ST18: variants seen among roughly 807,000 people sequenced by gnomAD.
ST18 encodes the protein ST18 C2H2C-type zinc finger transcription factor.
A neutral mutation model predicts 110.0 loss-of-function variants in ST18; 50 were observed. The observed-to-expected ratio is 0.45, with a 90% CI of 0.36 to 0.58. The LOEUF is 0.58. ST18 is among the 20% of genes least tolerant of loss of function. The pLI, the probability that ST18 is intolerant of heterozygous loss-of-function variation, is 0.00. For synonymous variants in ST18, 461 were observed against 452.4 expected (o/e 1.02, Z -0.24); for missense variants, 1,306 against 1,280.1 (o/e 1.02, Z -0.31).
chr8:52,374,991 A>G (rs946255220), intron 2 of ST18, among the ~76,000 whole-genome samples: 3 of 152,172 alleles, frequency 2.0e-5, no homozygotes, highest in Non-Finnish European at 2.9e-5. Flanking sequence ...CAGAAGTCAC[A>G]GATATTTCCT....
chr8:52,374,945 C>T (rs770803822), intron 2 of ST18, among the ~76,000 whole-genome samples: 41 of 152,242 alleles, frequency 2.7e-4, no homozygotes, highest in Admixed American at 2.0e-4. Flanking sequence ...CCACAAGAAA[C>T]TCACAGACTC....
intron 22 of ST18, among the ~76,000 whole-genome samples, chr8:52,130,507 C>A (rs1186284993): frequency 1.3e-5 from 2 of 152,208 alleles, no homozygotes; most frequent in African/African-American, 4.8e-5. Flanking sequence ...TGTTTCCAGT[C>A]TGGAGTTAGT....
intron 2 of ST18, chr8:52,405,830 C>T (rs1230758920): frequency 6.6e-6 from 1 of 151,082 alleles, no homozygotes; most frequent in African/African-American, 2.4e-5. Flanking sequence ...TGAAATATAA[C>T]AAATCCAAGG....
chr8:52,308,600 A>G (rs2095851492), intron 2 of ST18, among the ~76,000 whole-genome samples: 1 of 152,186 alleles, frequency 6.6e-6, no homozygotes, highest in South Asian at 2.1e-4. Flanking sequence ...TTTCCCAGAA[A>G]CCTCTCCTTG....
At chr8:52,394,397 A>G (rs1840384405) in intron 2 of ST18, among the ~76,000 whole-genome samples, 1 of 152,162 alleles carries the variant, frequency 6.6e-6, no homozygotes, top group Non-Finnish European at 1.5e-5. Flanking sequence ...GAACTGGGGT[A>G]GACTGTAAGC....
intron 2 of ST18, among the ~76,000 whole-genome samples, chr8:52,327,746 T>C (rs1372210247): frequency 1.3e-5 from 2 of 152,110 alleles, no homozygotes; most frequent in African/African-American, 4.8e-5. Flanking sequence ...CAGAATCCAA[T>C]CAAAGCTAAA....
chr8:52,259,015 C>A (rs573003186), intron 2 of ST18, among the ~76,000 whole-genome samples: 1 of 152,258 alleles, frequency 6.6e-6, no homozygotes, highest in African/African-American at 2.4e-5. Flanking sequence ...ATGGTGCTGG[C>A]CAGACCTCAT....
chr8:52,122,922 A>G (rs1006389943), intron 23 of ST18, among the ~76,000 whole-genome samples: 1 of 152,032 alleles, frequency 6.6e-6, no homozygotes, highest in African/African-American at 2.4e-5. Context: ...AATAAATTAT[A>G]TATAACTATA....
chr8:52,258,683 CT>C (rs1255434581), intron 2 of ST18, among the ~76,000 whole-genome samples: 1 of 152,106 alleles, frequency 6.6e-6, no homozygotes, highest in African/African-American at 2.4e-5. Flanking sequence ...AATGGAAATA[CT>C]TTTGCTACTT....
intron 2 of ST18, among the ~76,000 whole-genome samples, chr8:52,245,349 G>T (rs2093757842): frequency 6.6e-6 from 1 of 151,694 alleles, no homozygotes; most frequent in Non-Finnish European, 1.5e-5. Context: ...GTTTGCTTCT[G>T]CCTGTCATTA....
intron 2 of ST18, among the ~76,000 whole-genome samples, chr8:52,289,839 A>T (rs1336791505): frequency 2.0e-5 from 3 of 152,102 alleles, no homozygotes; most frequent in African/African-American, 7.2e-5. Context: ...GTAGATACTC[A>T]TATCTACAGG....
At chr8:52,183,414 G>A (rs189108006) in intron 8 of ST18, among the ~76,000 whole-genome samples, 1 of 152,244 alleles carries the variant, frequency 6.6e-6, no homozygotes, top group Non-Finnish European at 1.5e-5. Context: ...TCAAGATTTG[G>A]GTCCAAATAA....
At chr8:52,345,300 C>T (rs1276186684) in intron 2 of ST18, among the ~76,000 whole-genome samples, 4 of 152,162 alleles carry the variant, frequency 2.6e-5, no homozygotes, top group Non-Finnish European at 5.9e-5. Context: ...TCTTATCCTT[C>T]CTGATACCCC....
chr8:52,224,467 A>G (rs1030264015), intron 3 of ST18, among the ~76,000 whole-genome samples: 2 of 152,240 alleles, frequency 1.3e-5, no homozygotes, highest in African/African-American at 4.8e-5. Flanking sequence ...GCAAATGAAG[A>G]TAAGCACTGA....
rs77692409 is a variant in ST18, at chr8:52,124,107, C to T, written c.2755+1945G>A. On this transcript the variant is annotated intron_variant, in intron 23 of 25. Transcript: ENST00000689386. ...CCAGCAAGAAATGACTCTTCGCACA[C>T]GTCTTAGTGTCCTCAGGGTTGCTCC... Among the ~76,000 whole-genome samples, 51 of 149,546 alleles carry T rather than the reference C, an allele frequency of 3.4e-4. No individual in the cohort carries two copies. In the East Asian group the frequency reaches 8.7e-3, roughly 25 times the overall value.
At chr8:52,353,919 G>A (rs1238804918) in intron 2 of ST18, among the ~76,000 whole-genome samples, 1 of 152,220 alleles carries the variant, frequency 6.6e-6, no homozygotes, top group Non-Finnish European at 1.5e-5. Context: ...CCATGGTGTA[G>A]CTACAAAGTC....
intron 23 of ST18, among the ~76,000 whole-genome samples, chr8:52,122,343 C>T (rs2045263854): frequency 1.3e-5 from 2 of 151,890 alleles, no homozygotes; most frequent in Admixed American, 1.3e-4. Context: ...TATGTATATA[C>T]TTGTATAGAG....
At chr8:52,114,370 G>A (rs7015717) in intron 25 of ST18, among the ~76,000 whole-genome samples, 2,434 of 152,186 alleles carry the variant, frequency 0.016, 74 homozygotes, top group African/African-American at 0.055. Flanking sequence ...AATGTGAAAC[G>A]GAATGAATGT....
At chr8:52,261,670 A>C (rs1397633901) in intron 2 of ST18, among the ~76,000 whole-genome samples, 1 of 152,172 alleles carries the variant, frequency 6.6e-6, no homozygotes, top group Non-Finnish European at 1.5e-5. Context: ...CAAATCTTTA[A>C]GCATTCCCAC....
Sources: gnomAD v4.1 joint callset for allele counts (sites outside exome capture counted in the v4.1 genomes callset) on GRCh38, gnomAD v4.1.1 for gene constraint, MANE v1.5 for transcripts, NCBI Gene and HGNC (gene_info 2026-07-23, HGNC 2026-07-21) for gene names.